Variants in MDGA2 observed in about 807,000 individuals in gnomAD.
MDGA2 encodes the protein MAM domain-containing glycosylphosphatidylinositol anchor protein 2.
MDGA2 carries 40 observed loss-of-function variants against 117.8 expected under a neutral mutation model. That is an observed-to-expected ratio of 0.34 (90% CI 0.26 to 0.44). MDGA2 has a LOEUF of 0.44. Among genes scored for constraint, MDGA2 ranks in the 20% least tolerant of loss-of-function variants. MDGA2 has a pLI of 1.00. For synonymous variants in MDGA2, 452 were observed against 439.0 expected (o/e 1.03, Z -0.37); for missense variants, 1,123 against 1,250.6 (o/e 0.90, Z 1.54).
chr14:47,268,924 C>T (rs924706131), intron 2 of MDGA2, among the ~76,000 whole-genome samples: 1 of 134,836 alleles, frequency 7.4e-6, no homozygotes. Context: ...ATATGCTTTA[C>T]TTTTTCTGTA....
intron 2 of MDGA2, among the ~76,000 whole-genome samples, chr14:47,277,139 C>G (rs1888334565): frequency 1.3e-5 from 2 of 152,150 alleles, no homozygotes; most frequent in Non-Finnish European, 2.9e-5. Context: ...TGCCTGAGCT[C>G]ACACCCTTGT....
At chr14:47,323,288 C>G (rs1448985865) in intron 1 of MDGA2, among the ~76,000 whole-genome samples, 1 of 150,680 alleles carries the variant, frequency 6.6e-6, no homozygotes, top group African/African-American at 2.5e-5. Flanking sequence ...TGTGGCTTGA[C>G]TTGATTAGTA....
intron 1 of MDGA2, among the ~76,000 whole-genome samples, chr14:47,517,186 T>C (rs936635613): frequency 2.0e-5 from 3 of 152,134 alleles, no homozygotes; most frequent in African/African-American, 7.2e-5. Context: ...GCAAGGAAAA[T>C]ATCATGCCTG....
At chr14:47,286,803 T>TTTTATATA (rs1464538852) in intron 2 of MDGA2, among the ~76,000 whole-genome samples, 3 of 130,038 alleles carry the variant, frequency 2.3e-5, no homozygotes, top group African/African-American at 9.7e-5. Flanking sequence ...AGGCATATCA[T>TTTTATATA]TATATATATA....
intron 3 of MDGA2, among the ~76,000 whole-genome samples, chr14:47,205,794 C>T (rs1885661545): frequency 6.6e-6 from 1 of 151,986 alleles, no homozygotes; most frequent in Non-Finnish European, 1.5e-5. Flanking sequence ...ATTTCAGCTA[C>T]TACAACAATT....
In MDGA2 at chr14:47,131,767, T is replaced by C. The variant is rs1882216386; in HGVS notation, c.872A>G (p.Asn291Ser). 2 of 1,588,396 alleles carry C rather than the reference T, an allele frequency of 1.3e-6. No homozygotes were observed. The highest frequency in any genetic ancestry group is 2.2e-5 in the East Asian group (1 of 44,586). The change falls in exon 5 of 17, where the codon AAT becomes AGT. Residue 291 changes from asparagine to serine, a missense_variant. This residue lies in a region of MDGA2 where 890 missense variants were observed against 1,050.3 expected (regional missense o/e 0.85). Transcript: ENST00000399232. ...ANYSCIASVR[N>S]VCNIPDKMVS... ...CATCTTATCAGGAATATTACATACA[T>C]TCCTCACTGAAGCAATGCAGCTATA...
At chr14:47,386,360 A>G (rs1891759534) in intron 1 of MDGA2, among the ~76,000 whole-genome samples, 1 of 152,220 alleles carries the variant, frequency 6.6e-6, no homozygotes, top group Non-Finnish European at 1.5e-5. Context: ...AAAACTCATT[A>G]TGGTTAATTT....
chr14:47,609,444 T>TA lies in MDGA2; in HGVS notation c.280+65072dup, dbSNP rs1566539683. Reference sequence around the variant, plus strand: ...GTATTCCATCATATATATATATATATATATATATATATATATATATAAGTT... The same window carrying TA: ...GTATTCCATCATATATATATATATATAATATATATATATATATATATAAGTT... On this transcript the variant is annotated intron_variant, in intron 1 of 16. Transcript: ENST00000399232. Among the ~76,000 whole-genome samples, 10 of 78,696 alleles carry TA rather than the reference T, an allele frequency of 1.3e-4. No individual in the cohort carries two copies. In the East Asian group the frequency reaches 4.6e-3, roughly 36 times the overall value. The allele number at this position is 78,696 out of a possible 152,430, so 51.6% of individuals were successfully genotyped here.
chr14:46,901,822 A>C (rs1024149215), intron 10 of MDGA2, among the ~76,000 whole-genome samples: 3 of 152,180 alleles, frequency 2.0e-5, no homozygotes, highest in African/African-American at 7.2e-5. Flanking sequence ...TCTGAACCAC[A>C]TTGGCATGGC....
At chr14:47,598,786 G>A (rs887077492) in intron 1 of MDGA2, among the ~76,000 whole-genome samples, 1 of 152,128 alleles carries the variant, frequency 6.6e-6, no homozygotes, top group Admixed American at 6.5e-5. Context: ...TGTATTTAAT[G>A]CCACTGAATC....
chr14:47,472,594 A>G (rs528064990), intron 1 of MDGA2, among the ~76,000 whole-genome samples: 4 of 152,280 alleles, frequency 2.6e-5, no homozygotes, highest in African/African-American at 9.6e-5. Context: ...GGAGGTTAGA[A>G]TGAAATGGTT....
At chr14:47,543,168 C>T (rs1243688101) in intron 1 of MDGA2, among the ~76,000 whole-genome samples, 1 of 152,116 alleles carries the variant, frequency 6.6e-6, no homozygotes, top group Non-Finnish European at 1.5e-5. Flanking sequence ...CATGATTGCA[C>T]CACTGCACTC....
At chr14:47,651,243 TG>T (rs1897636632) in intron 1 of MDGA2, among the ~76,000 whole-genome samples, 10 of 151,690 alleles carry the variant, frequency 6.6e-5, no homozygotes, top group Admixed American at 2.0e-4. Flanking sequence ...TGTGTGTGTG[TG>T]TGTGTGTATA....
At chr14:47,652,780 A>C (rs118060829) in intron 1 of MDGA2, among the ~76,000 whole-genome samples, 1 of 152,158 alleles carries the variant, frequency 6.6e-6, no homozygotes, top group Admixed American at 6.6e-5. Flanking sequence ...GGCACACACA[A>C]ATATTTATCC....
chr14:47,398,482 T>C (rs1454900307), intron 1 of MDGA2, among the ~76,000 whole-genome samples: 1 of 152,164 alleles, frequency 6.6e-6, no homozygotes, highest in Non-Finnish European at 1.5e-5. Flanking sequence ...GAGGTTGTTA[T>C]GGGGATTATA....
At chr14:46,989,246 G>A (rs967282011) in intron 8 of MDGA2, among the ~76,000 whole-genome samples, 4 of 151,798 alleles carry the variant, frequency 2.6e-5, no homozygotes, top group Non-Finnish European at 5.9e-5. Flanking sequence ...CATTTATATG[G>A]GCTAGGAATA....
chr14:47,325,184 G>A (rs1378279415), intron 1 of MDGA2, among the ~76,000 whole-genome samples: 1 of 152,168 alleles, frequency 6.6e-6, no homozygotes. Context: ...TGGGTATTCA[G>A]TATCTGACTG....
intron 5 of MDGA2, among the ~76,000 whole-genome samples, chr14:47,108,705 T>C (rs891961079): frequency 6.6e-6 from 1 of 152,206 alleles, no homozygotes; most frequent in Non-Finnish European, 1.5e-5. Flanking sequence ...CCAGGTGAAA[T>C]AAACAGCCAT....
intron 9 of MDGA2, among the ~76,000 whole-genome samples, chr14:46,950,718 T>G (rs940494118): frequency 1.3e-5 from 2 of 151,960 alleles, no homozygotes; most frequent in African/African-American, 4.8e-5. Flanking sequence ...TTACTTCTGA[T>G]AGTTATTAAT....
Sources: allele counts gnomAD v4.1 joint callset (sites outside exome capture counted in the v4.1 genomes callset), GRCh38; gene constraint gnomAD v4.1.1; regional missense constraint gnomAD v4.1.1; transcripts MANE v1.5; gene names NCBI Gene and HGNC (gene_info 2026-07-23, HGNC 2026-07-21).